Variants in DCAF8L2 observed in about 807,000 individuals in gnomAD.
The protein encoded by DCAF8L2 is DDB1- and CUL4-associated factor 8-like protein 2.
For missense variants in DCAF8L2, 430 were observed against 490.7 expected (o/e 0.88, Z 1.17); for synonymous variants, 200 against 190.9 (o/e 1.05, Z -0.39).
At chrX:27,550,045 T>C in the DCAF8L2 span, among the ~76,000 whole-genome samples, 3 of 112,063 alleles carry the variant, frequency 2.7e-5, no homozygotes, top group Non-Finnish European at 5.6e-5. Context: ...GATGCCCTTA[T>C]TCCTCACAAA....
chrX:27,582,506 C>A, the DCAF8L2 span, among the ~76,000 whole-genome samples: 1 of 111,142 alleles, frequency 9.0e-6, no homozygotes, highest in South Asian at 3.8e-4. Context: ...TCTTTTATAG[C>A]TGGCCCTCAG....
intron 3 of DCAF8L2, among the ~76,000 whole-genome samples, chrX:27,701,349 G>A (rs1433402505): frequency 1.8e-5 from 2 of 111,150 alleles, no homozygotes; most frequent in Non-Finnish European, 3.8e-5. Flanking sequence ...GAATATGTAA[G>A]ACTTTAGCAA....
chrX:27,706,576 T>C (rs994010143), intron 3 of DCAF8L2, among the ~76,000 whole-genome samples: 2 of 111,718 alleles, frequency 1.8e-5, no homozygotes, highest in Non-Finnish European at 3.8e-5. Context: ...CAAACTACAA[T>C]GAGATGCTAC....
the DCAF8L2 span, among the ~76,000 whole-genome samples, chrX:27,500,663 T>A: frequency 6.3e-5 from 7 of 111,643 alleles, no homozygotes; most frequent in South Asian, 2.3e-3. Flanking sequence ...GCAGAAAAAA[T>A]TTTAATGAGT....
intron 2 of DCAF8L2, among the ~76,000 whole-genome samples, chrX:27,663,043 T>C (rs1426874383): frequency 1.8e-5 from 2 of 112,135 alleles, no homozygotes. Context: ...ATAATAGGTA[T>C]TGCAATATTT....
At chrX:27,479,371 A>C in the DCAF8L2 span, among the ~76,000 whole-genome samples, 12 of 111,420 alleles carry the variant, frequency 1.1e-4, no homozygotes, top group Non-Finnish European at 1.9e-4. Flanking sequence ...CAGCAGATAG[A>C]TATAAGCTGC....
At chrX:27,704,179 T>TATATATATATATATAC (rs756313953) in intron 3 of DCAF8L2, among the ~76,000 whole-genome samples, 1 of 85,545 alleles carries the variant, frequency 1.2e-5, no homozygotes, top group East Asian at 3.4e-4. Flanking sequence ...TATATACATA[T>TATATATATATATATAC]ACACACACAC....
At chrX:27,746,790 C>T (rs759410595) in intron 4 of DCAF8L2, 48 bp from the exon 5 acceptor site, 82 of 744,802 alleles carry the variant, frequency 1.1e-4, no homozygotes, top group Non-Finnish European at 1.1e-4. Flanking sequence ...CACGCGCTTA[C>T]TTCCTTCACT....
chrX:27,695,908 A>G (rs1930876503), intron 3 of DCAF8L2, among the ~76,000 whole-genome samples: 1 of 110,869 alleles, frequency 9.0e-6, no homozygotes, highest in South Asian at 3.8e-4. Context: ...AAAAATTTAA[A>G]TGGGGCTAGG....
At chrX:27,601,624 T>C (rs1219457714) in intron 1 of DCAF8L2, among the ~76,000 whole-genome samples, 1 of 106,680 alleles carries the variant, frequency 9.4e-6, no homozygotes, top group Non-Finnish European at 1.9e-5. Context: ...CACTTGTACA[T>C]GGGAGGCAGA....
chrX:27,680,264 G>A (rs1364442258), intron 3 of DCAF8L2, among the ~76,000 whole-genome samples: 2 of 111,264 alleles, frequency 1.8e-5, no homozygotes, highest in African/African-American at 3.3e-5. Flanking sequence ...GATTGTGAAA[G>A]TTTGCTCCTG....
chrX:27,641,881 G>A (rs902381188), intron 2 of DCAF8L2, among the ~76,000 whole-genome samples: 6 of 96,206 alleles, frequency 6.2e-5, no homozygotes, highest in Non-Finnish European at 1.1e-4. Context: ...AGTTTGATAA[G>A]GGTACTTTTT....
chrX:27,602,697 T>C (rs1051216177), intron 1 of DCAF8L2, among the ~76,000 whole-genome samples: 7 of 111,828 alleles, frequency 6.3e-5, no homozygotes, highest in Non-Finnish European at 1.1e-4. Flanking sequence ...TCTAATTTTG[T>C]CCTTTTTATG....
intron 3 of DCAF8L2, among the ~76,000 whole-genome samples, chrX:27,708,479 A>T (rs1039777852): frequency 4.5e-5 from 5 of 111,747 alleles, no homozygotes; most frequent in African/African-American, 1.6e-4. Context: ...CTTGGATGGG[A>T]GTTTCGCCTT....
upstream of DCAF8L2, among the ~76,000 whole-genome samples, chrX:27,589,500 G>A (rs767723887): frequency 1.0e-4 from 11 of 106,554 alleles, no homozygotes; most frequent in African/African-American, 4.2e-4. Context: ...TATTTAATCA[G>A]CTTCATAGCT....
At chrX:27,718,984 A>G (rs1931796642) in intron 4 of DCAF8L2, among the ~76,000 whole-genome samples, 1 of 111,732 alleles carries the variant, frequency 8.9e-6, no homozygotes, top group South Asian at 3.7e-4. Flanking sequence ...ATACACCCAC[A>G]TATATCCTAT....
At chrX:27,621,650 C>T (rs780841681) in intron 1 of DCAF8L2, among the ~76,000 whole-genome samples, 6 of 111,174 alleles carry the variant, frequency 5.4e-5, no homozygotes, top group Non-Finnish European at 1.1e-4. Context: ...ACCCATACAG[C>T]GTGTATAAGA....
At chrX:27,628,305 A>G (rs1928130012) in intron 1 of DCAF8L2, among the ~76,000 whole-genome samples, 1 of 111,686 alleles carries the variant, frequency 9.0e-6, no homozygotes, top group Non-Finnish European at 1.9e-5. Context: ...AGATATGTAA[A>G]CCACATTATC....
the DCAF8L2 span, among the ~76,000 whole-genome samples, chrX:27,542,351 T>C: frequency 3.6e-5 from 4 of 110,812 alleles, no homozygotes; most frequent in Admixed American, 3.9e-4. Flanking sequence ...CTCTGCAGCC[T>C]CACCAGCACA....
Sources: gnomAD v4.1 joint callset for allele counts (sites outside exome capture counted in the v4.1 genomes callset) on GRCh38, gnomAD v4.1.1 for gene constraint, MANE v1.5 for transcripts, NCBI Gene and HGNC (gene_info 2026-07-23, HGNC 2026-07-21) for gene names.